Variants in CACNG2 observed in about 807,000 individuals in gnomAD.
CACNG2 encodes voltage-dependent calcium channel gamma-2 subunit.
A neutral mutation model predicts 25.9 loss-of-function variants in CACNG2; 3 were observed. The ratio of observed to expected loss-of-function variants is 0.12; its 90% CI spans 0.05 to 0.30. The LOEUF is 0.30. Ranked by LOEUF, CACNG2 falls within the 10% of genes least tolerant of loss-of-function variation. CACNG2 has a pLI of 1.00. For synonymous variants in CACNG2, 167 were observed against 173.3 expected (o/e 0.96, Z 0.29); for missense variants, 341 against 432.5 (o/e 0.79, Z 1.88).
chr22:36,608,888 G>A (rs1935882472), intron 1 of CACNG2, among the ~76,000 whole-genome samples: 1 of 152,106 alleles, frequency 6.6e-6, no homozygotes, highest in Non-Finnish European at 1.5e-5. Flanking sequence ...GTACCTGCTA[G>A]CTATTGTTAA....
intron 1 of CACNG2, among the ~76,000 whole-genome samples, chr22:36,614,478 A>G (rs1178440316): frequency 6.6e-6 from 1 of 152,174 alleles, no homozygotes; most frequent in Non-Finnish European, 1.5e-5. Context: ...CCTGGACTAC[A>G]TTGAAAGGCC....
At chr22:36,689,397 G>A (rs2284012) in intron 1 of CACNG2, among the ~76,000 whole-genome samples, 86,117 of 152,008 alleles carry the variant, frequency 0.57, 26,905 homozygotes, top group East Asian at 0.77. Flanking sequence ...AAAATCCAAC[G>A]AAGAAAATAA....
At chr22:36,688,659 T>C (rs1223814748) in intron 1 of CACNG2, among the ~76,000 whole-genome samples, 1 of 150,348 alleles carries the variant, frequency 6.7e-6, no homozygotes, top group Non-Finnish European at 1.5e-5. Context: ...GGGAAGAAGG[T>C]GGTTATCCTC....
intron 1 of CACNG2, among the ~76,000 whole-genome samples, chr22:36,655,642 T>TCAC (rs1316086019): frequency 6.6e-6 from 1 of 152,148 alleles, no homozygotes; most frequent in Non-Finnish European, 1.5e-5. Flanking sequence ...TGGGTGCAGT[T>TCAC]CACTTAAGAC....
intron 1 of CACNG2, among the ~76,000 whole-genome samples, chr22:36,672,728 T>C (rs1158920963): frequency 6.6e-6 from 1 of 152,150 alleles, no homozygotes; most frequent in African/African-American, 2.4e-5. Flanking sequence ...CCACTGGACA[T>C]GATTCAACTC....
At chr22:36,678,207 G>A (rs1937042477) in intron 1 of CACNG2, among the ~76,000 whole-genome samples, 1 of 152,176 alleles carries the variant, frequency 6.6e-6, no homozygotes, top group Non-Finnish European at 1.5e-5. Context: ...ATTTGTGTTG[G>A]TTTGCAAAGT....
intron 1 of CACNG2, among the ~76,000 whole-genome samples, chr22:36,674,214 AG>A (rs1936993434): frequency 6.6e-6 from 1 of 152,258 alleles, no homozygotes; most frequent in East Asian, 1.9e-4. Context: ...ACCCCTGAGA[AG>A]GGACAGGGGT....
chr22:36,631,788 C>T (rs1218687279), intron 1 of CACNG2, among the ~76,000 whole-genome samples: 2 of 148,534 alleles, frequency 1.3e-5, no homozygotes, highest in East Asian at 3.9e-4. Flanking sequence ...GTTTTCTTAC[C>T]TGCAACTCAA....
chr22:36,671,500 AG>A (rs1394031031), intron 1 of CACNG2, among the ~76,000 whole-genome samples: 1 of 152,196 alleles, frequency 6.6e-6, no homozygotes, highest in African/African-American at 2.4e-5. Context: ...GGTGACTGCA[AG>A]CTGAAATGCT....
At chr22:36,683,757 G>C (rs1937158877) in intron 1 of CACNG2, among the ~76,000 whole-genome samples, 1 of 152,054 alleles carries the variant, frequency 6.6e-6, no homozygotes, top group Admixed American at 6.5e-5. Context: ...GTCTTGGGAG[G>C]GGGCATCTCC....
chr22:36,611,840 G>A (rs568417471), intron 1 of CACNG2, among the ~76,000 whole-genome samples: 13 of 152,288 alleles, frequency 8.5e-5, no homozygotes, highest in East Asian at 5.8e-4. Context: ...AATGATAGCC[G>A]TCTCGGGGAC....
chr22:36,687,193 G>A (rs1937212277), intron 1 of CACNG2, among the ~76,000 whole-genome samples: 1 of 152,182 alleles, frequency 6.6e-6, no homozygotes, highest in African/African-American at 2.4e-5. Flanking sequence ...GAGCGAGCAG[G>A]GGTCTGCATT....
chr22:36,645,927 T>G (rs1044073045), intron 1 of CACNG2, among the ~76,000 whole-genome samples: 1 of 152,204 alleles, frequency 6.6e-6, no homozygotes, highest in South Asian at 2.1e-4. Flanking sequence ...AGAGTCAGAC[T>G]TTTTTGGATA....
chr22:36,580,721 G>A (rs565672455), intron 2 of CACNG2, among the ~76,000 whole-genome samples: 2 of 152,282 alleles, frequency 1.3e-5, no homozygotes, highest in East Asian at 3.9e-4. Context: ...TTGGGGTCTG[G>A]CACACAGTAG....
intron 1 of CACNG2, among the ~76,000 whole-genome samples, chr22:36,635,283 CAAAA>C (rs138390510): frequency 5.9e-5 from 4 of 67,596 alleles, no homozygotes; most frequent in African/African-American, 3.9e-5. Context: ...GACCCCGTCT[CAAAA>C]AAAAAAAAAA....
At position 36,647,816 on chromosome 22, in the gene CACNG2, C is replaced by A. The variant is rs148320482; in HGVS notation, c.211+54550G>T. 1.5e-3 allele frequency among the ~76,000 whole-genome samples: 222 copies of A among 152,278 alleles called. 3 individuals carry two copies. The East Asian group carries it at 0.04, about 28-fold the overall frequency. ...AGTTAAGCCTTGAGTCACACACTCT[C>A]CTAGCTCCCTGTGTTTTTCCTTCAC... On this transcript the variant is annotated intron_variant, in intron 1 of 3. Coordinates refer to ENST00000300105, the MANE Select transcript of CACNG2 (RefSeq NM_006078.5).
chr22:36,607,341 C>T (rs979903594), intron 1 of CACNG2, among the ~76,000 whole-genome samples: 3 of 152,172 alleles, frequency 2.0e-5, no homozygotes, highest in East Asian at 1.9e-4. Context: ...TTGCACTCCC[C>T]AGGCTCAGGT....
At chr22:36,626,135 G>T (rs562490745) in intron 1 of CACNG2, among the ~76,000 whole-genome samples, 1 of 152,182 alleles carries the variant, frequency 6.6e-6, no homozygotes, top group Non-Finnish European at 1.5e-5. Flanking sequence ...GGCCAGGCTG[G>T]TCTCGAACTC....
chr22:36,686,758 T>C (rs1416251911), intron 1 of CACNG2, among the ~76,000 whole-genome samples: 1 of 152,182 alleles, frequency 6.6e-6, no homozygotes, highest in Non-Finnish European at 1.5e-5. Context: ...GCTGACTCCG[T>C]GGCATGACCA....
Sources: allele counts gnomAD v4.1 joint callset (sites outside exome capture counted in the v4.1 genomes callset), GRCh38; gene constraint gnomAD v4.1.1; transcripts MANE v1.5; gene names NCBI Gene and HGNC (gene_info 2026-07-23, HGNC 2026-07-21).